SYN3: variants seen among roughly 807,000 people sequenced by gnomAD.
The protein encoded by SYN3 is synapsin III.
In SYN3, 35 loss-of-function variants were observed where a neutral mutation model predicts 65.8. The ratio of observed to expected loss-of-function variants is 0.53; its 90% CI spans 0.41 to 0.70. The LOEUF (loss-of-function observed/expected upper bound fraction) is 0.70, where lower values mean the gene tolerates loss of function less well. Among genes scored for constraint, SYN3 ranks in the 30% least tolerant of loss-of-function variants. The pLI, the probability that SYN3 is intolerant of heterozygous loss-of-function variation, is 0.00. For synonymous variants in SYN3, 270 were observed against 292.9 expected, an observed-to-expected ratio of 0.92 and a Z score of 0.80; for missense variants, 680 against 749.0, an observed-to-expected ratio of 0.91 and a Z score of 1.08.
chr22:32,823,645 G>T (rs746131879), intron 6 of SYN3, among the ~76,000 whole-genome samples: 1 of 152,176 alleles, frequency 6.6e-6, no homozygotes, highest in Non-Finnish European at 1.5e-5. Context: ...GCAGGTCTCT[G>T]GACAGACAGC....
chr22:32,828,487 A>AG (rs1279087060), intron 6 of SYN3, among the ~76,000 whole-genome samples: 3 of 152,242 alleles, frequency 2.0e-5, no homozygotes, highest in African/African-American at 7.2e-5. Context: ...GGAAAGAAGG[A>AG]GCAGAATTGA....
intron 1 of SYN3, among the ~76,000 whole-genome samples, chr22:33,050,088 A>C (rs2054137446): frequency 6.6e-6 from 1 of 152,178 alleles, no homozygotes; most frequent in African/African-American, 2.4e-5. Context: ...AACACCTAAG[A>C]CAGGGAGTCT....
At chr22:32,750,483 A>G (rs1335164653) in intron 6 of SYN3, among the ~76,000 whole-genome samples, 1 of 151,890 alleles carries the variant, frequency 6.6e-6, no homozygotes, top group Non-Finnish European at 1.5e-5. Context: ...GGTCTGAGAA[A>G]TAACGGTGGT....
chr22:32,855,595 T>C (rs182037839), intron 6 of SYN3, among the ~76,000 whole-genome samples: 2 of 152,156 alleles, frequency 1.3e-5, no homozygotes, highest in South Asian at 4.1e-4. Flanking sequence ...TCCTACCTCA[T>C]AGGGTTGTCA....
chr22:32,750,865 G>A (rs1460780118), intron 6 of SYN3, among the ~76,000 whole-genome samples: 1 of 152,112 alleles, frequency 6.6e-6, no homozygotes, highest in East Asian at 1.9e-4. Context: ...GGATGGGAAA[G>A]GCTGAGGAAG....
At chr22:32,514,585 G>A (rs574021579) in intron 13 of SYN3, 2 of 152,376 alleles carry the variant, frequency 1.3e-5, no homozygotes, top group Admixed American at 1.3e-4. Flanking sequence ...GGGGACAGGG[G>A]TGTAAGACGA....
chr22:32,589,096 G>A (rs1374626067), intron 7 of SYN3, among the ~76,000 whole-genome samples: 4 of 152,196 alleles, frequency 2.6e-5, no homozygotes, highest in Admixed American at 6.5e-5. Context: ...CTGCCTGTGG[G>A]GTAGCCCTGC....
chr22:32,605,387 A>G (rs2059358502), intron 6 of SYN3, among the ~76,000 whole-genome samples: 1 of 152,088 alleles, frequency 6.6e-6, no homozygotes, highest in African/African-American at 2.4e-5. Flanking sequence ...GAGGGTTTGG[A>G]TGCAGTGGGG....
intron 1 of SYN3, among the ~76,000 whole-genome samples, chr22:33,031,760 C>G (rs1189429277): frequency 6.6e-6 from 1 of 152,064 alleles, no homozygotes; most frequent in East Asian, 1.9e-4. Flanking sequence ...TCCTAAGCCC[C>G]CAAGCAACTG....
intron 6 of SYN3, among the ~76,000 whole-genome samples, chr22:32,817,199 C>A (rs5749521): frequency 1.3e-5 from 2 of 150,762 alleles, no homozygotes; most frequent in South Asian, 2.1e-4. Flanking sequence ...GCCAGGGTGA[C>A]AGAGCAAGAC....
chr22:32,620,638 C>T (rs2059580733), intron 6 of SYN3, among the ~76,000 whole-genome samples: 2 of 152,032 alleles, frequency 1.3e-5, no homozygotes, highest in African/African-American at 2.4e-5. Context: ...TCAAGAGAAC[C>T]CGGAAGCCTG....
intron 6 of SYN3, among the ~76,000 whole-genome samples, chr22:32,622,116 G>A (rs2059604056): frequency 6.6e-6 from 1 of 151,868 alleles, no homozygotes; most frequent in Non-Finnish European, 1.5e-5. Flanking sequence ...CGCACAGCTG[G>A]GCTGGATTAG....
chr22:32,939,921 T>C (rs1448109696), intron 3 of SYN3, among the ~76,000 whole-genome samples: 1 of 152,186 alleles, frequency 6.6e-6, no homozygotes, highest in Non-Finnish European at 1.5e-5. Flanking sequence ...ATTTAGAAGA[T>C]ACAGATGGAG....
rs145594577 is a variant in SYN3 at position 32,905,096 on chromosome 22, C to A, written c.461+26294G>T. Among the ~76,000 whole-genome samples the A allele has an allele frequency of 2.1e-4, 32 of 152,180 alleles. No homozygotes were observed. The East Asian group carries it at 5.4e-3, about 26-fold the overall frequency. The stretch of plus-strand genomic sequence containing the variant: ...ATTAAGTGAACTAAAGAGTCTCTTG[C>A]GAGCTCGAATTTGCTATACTCTCAC... On this transcript the variant is annotated intron_variant, in intron 4 of 13. Coordinates refer to ENST00000358763, the MANE Select transcript of SYN3 (RefSeq NM_003490.4).
intron 1 of SYN3, among the ~76,000 whole-genome samples, chr22:33,033,674 C>A (rs5998701): frequency 0.26 from 39,353 of 151,898 alleles, 5,720 homozygotes; most frequent in African/African-American, 0.39. Flanking sequence ...AGGTCATGGG[C>A]TCTGGGCTGG....
chr22:32,615,108 T>G (rs138533148), intron 6 of SYN3, among the ~76,000 whole-genome samples: 3 of 152,162 alleles, frequency 2.0e-5, no homozygotes, highest in Non-Finnish European at 4.4e-5. Context: ...TCGCAATGAC[T>G]CTTTGAAAGC....
chr22:32,958,429 G>A (rs2051535163), intron 3 of SYN3, among the ~76,000 whole-genome samples: 1 of 152,222 alleles, frequency 6.6e-6, no homozygotes, highest in Non-Finnish European at 1.5e-5. Flanking sequence ...ATTAGTAGGA[G>A]AAGTAGTAGT....
chr22:32,889,453 T>C (rs1278466412), intron 4 of SYN3, among the ~76,000 whole-genome samples: 2 of 152,110 alleles, frequency 1.3e-5, no homozygotes, highest in East Asian at 3.8e-4. Context: ...TATAGGAATT[T>C]TTCTGTTAAT....
At chr22:32,536,644 T>C (rs1027318238) in intron 9 of SYN3, among the ~76,000 whole-genome samples, 2 of 152,178 alleles carry the variant, frequency 1.3e-5, no homozygotes, top group Non-Finnish European at 2.9e-5. Context: ...AACCAGTACA[T>C]ATGGCTCAGT....
Sources: allele counts gnomAD v4.1 joint callset (sites outside exome capture counted in the v4.1 genomes callset), GRCh38; gene constraint gnomAD v4.1.1; transcripts MANE v1.5; gene names NCBI Gene and HGNC (gene_info 2026-07-23, HGNC 2026-07-21).